Variants in FARP1 observed in about 807,000 individuals in gnomAD.
FARP1 encodes the protein FERM, ARH/RhoGEF and pleckstrin domain protein 1, also known as FERM, ARHGEF and pleckstrin domain-containing protein 1.
In FARP1, 52 loss-of-function variants were observed where a neutral mutation model predicts 128.8. The observed-to-expected ratio is 0.40, with a 90% CI of 0.32 to 0.51. The LOEUF (loss-of-function observed/expected upper bound fraction) is 0.51. Ranked by LOEUF, FARP1 falls within the 20% of genes least tolerant of loss-of-function variation. The pLI, the probability that FARP1 is intolerant of heterozygous loss-of-function variation, is 0.45. For synonymous variants in FARP1, 580 were observed against 551.8 expected, an observed-to-expected ratio of 1.05 and a Z score of -0.72; for missense variants, 1,333 against 1,367.9, an observed-to-expected ratio of 0.97 and a Z score of 0.40.
At chr13:98,338,764 C>G (rs1217303417) in intron 2 of FARP1, 1 of 152,168 alleles carries the variant, frequency 6.6e-6, no homozygotes, top group Non-Finnish European at 1.5e-5. Context: ...ATTTTGCATT[C>G]TGGGATGTGA....
At chr13:98,447,458 T>TGACA (rs1005836058) in intron 26 of FARP1, 1 of 152,490 alleles carries the variant, frequency 6.6e-6, no homozygotes, top group African/African-American at 2.4e-5. Flanking sequence ...GCTATTATTG[T>TGACA]GACAAAGGGT....
chr13:98,281,067 T>C (rs1222227238), intron 2 of FARP1, among the ~76,000 whole-genome samples: 1 of 152,218 alleles, frequency 6.6e-6, no homozygotes, highest in Non-Finnish European at 1.5e-5. Context: ...TTATAAAGTT[T>C]ATTTCAGGTT....
intron 1 of FARP1, among the ~76,000 whole-genome samples, chr13:98,154,999 C>G (rs1049058503): frequency 7.2e-5 from 11 of 152,168 alleles, no homozygotes; most frequent in African/African-American, 2.6e-4. Context: ...ATCGCTTGAG[C>G]CCAGGAGTTC....
intron 1 of FARP1, among the ~76,000 whole-genome samples, chr13:98,185,912 G>A (rs1043063465): frequency 9.2e-5 from 14 of 151,980 alleles, no homozygotes; most frequent in African/African-American, 3.4e-4. Flanking sequence ...TGACTAGGCT[G>A]GTCTCGAACT....
chr13:98,329,373 T>C (rs1231254608), intron 2 of FARP1: 1 of 152,226 alleles, frequency 6.6e-6, no homozygotes, highest in Non-Finnish European at 1.5e-5. Context: ...TAAAAAAATA[T>C]ATTCTTGGCC....
intron 8 of FARP1, 92 bp downstream of exon 8, chr13:98,385,906 C>CCT: frequency 7.5e-7 from 1 of 1,334,534 alleles, no homozygotes; most frequent in South Asian, 1.3e-5. Flanking sequence ...TGGGCTAAGA[C>CCT]CTCTGATGGT....
At chr13:98,172,616 G>T (rs1877732658) in intron 1 of FARP1, among the ~76,000 whole-genome samples, 1 of 152,164 alleles carries the variant, frequency 6.6e-6, no homozygotes, top group East Asian at 1.9e-4. Flanking sequence ...TTTAGACCTT[G>T]GGCAAGTGTT....
At chr13:98,428,250 C>T (rs1371541470) in intron 17 of FARP1, among the ~76,000 whole-genome samples, 3 of 152,204 alleles carry the variant, frequency 2.0e-5, no homozygotes, top group Non-Finnish European at 1.5e-5. Context: ...TTGCACACAT[C>T]CATCCAGACG....
chr13:98,446,771 T>A lies in FARP1; in HGVS notation c.3010T>A (p.Ser1004Thr). The change falls in exon 26 of 27, where the codon TCC (serine) becomes ACC (threonine). Residue 1004 changes from serine (S) to threonine (T), a missense_variant. Around this residue, in one of 2 missense-constraint regions of FARP1, gnomAD observed 1,009 missense variants for 969.8 expected, o/e 1.04. Transcript: ENST00000319562. ...CTACGTGTTCAAGCTGCACTTCAAG[T>A]CCCACGTCTACTACTTCAGGGCGGA... ...KDYVFKLHFK[S>T]HVYYFRAESE... is the part of the protein sequence containing the mutation. 1 of 1,614,076 alleles carries A rather than the reference T, an allele frequency of 6.2e-7. No individual in the cohort carries two copies. Among genetic ancestry groups the A allele is most frequent in the Non-Finnish European group, 8.5e-7 (1 of 1,180,010 alleles).
Position 98,385,687 on chromosome 13 carries a change from C to A in FARP1, c.632C>A (p.Ser211Ter). Reference protein sequence around the residue: ...HNHIGQTPAESDFQLLEIARR... With the variant: ...HNHIGQTPAE ...GTCAGTGGACAAACACCAGCAGAATCAGATTTCCAGCTCCTAGAGATTGCC... is the reference window on the plus strand; with the variant it reads ...GTCAGTGGACAAACACCAGCAGAATAAGATTTCCAGCTCCTAGAGATTGCC... Residue 211 changes from serine to a stop codon, truncating the protein, a stop_gained, in exon 8 of 27, where the codon TCA becomes TAA. Transcript: ENST00000319562. LOFTEE classifies it high-confidence loss of function. 6.2e-7 allele frequency: 1 copy of A among 1,614,204 alleles called. No individual in the cohort carries two copies. Among genetic ancestry groups the A allele is most frequent in the South Asian group, 1.1e-5 (1 of 91,084 alleles).
At chr13:98,213,455 G>T (rs1038390763) in intron 2 of FARP1, 42 bp downstream of exon 2, 5 of 1,595,666 alleles carry the variant, frequency 3.1e-6, no homozygotes, top group Admixed American at 3.4e-5. Context: ...TGTGGTAGGG[G>T]ACAGCCTTTG....
chr13:98,204,668 G>A (rs1880158500), intron 1 of FARP1, among the ~76,000 whole-genome samples: 1 of 152,182 alleles, frequency 6.6e-6, no homozygotes, highest in African/African-American at 2.4e-5. Context: ...TGTTTAAAAT[G>A]TTTGGCTATT....
At chr13:98,410,367 G>A (rs1450501708) in intron 14 of FARP1, among the ~76,000 whole-genome samples, 4 of 152,136 alleles carry the variant, frequency 2.6e-5, no homozygotes, top group Admixed American at 6.5e-5. Flanking sequence ...CTCCACCAAC[G>A]GACATAGGAC....
Position 98,395,368 on chromosome 13 carries a change from G to C in FARP1, c.1306G>C (p.Gly436Arg), listed in dbSNP as rs758227141. The change falls in exon 13 of 27, where the codon GGT (glycine) becomes CGT (arginine). Residue 436 changes from glycine to arginine, a missense_variant. Around this residue, in one of 2 missense-constraint regions of FARP1, gnomAD observed 1,009 missense variants for 969.8 expected, o/e 1.04. Coordinates refer to ENST00000319562, the MANE Select transcript of FARP1 (RefSeq NM_005766.4). Reference protein sequence around the residue: ...PSPAPRRSPAGNKQADGAASA... With the variant: ...PSPAPRRSPARNKQADGAASA... Reference sequence around the variant, plus strand: ...CCCTGCGCCGAGGAGAAGCCCCGCGGGTAACAAGCAGGCGGACGGAGCCGC... The same window carrying C: ...CCCTGCGCCGAGGAGAAGCCCCGCGCGTAACAAGCAGGCGGACGGAGCCGC... The C allele has an allele frequency of 2.1e-5, 34 of 1,611,848 alleles. No homozygotes were observed. The highest frequency in any genetic ancestry group is 2.9e-5 in the Non-Finnish European group (34 of 1,179,192).
At chr13:98,425,010 G>A (rs1028284949) in intron 17 of FARP1, among the ~76,000 whole-genome samples, 15 of 151,590 alleles carry the variant, frequency 9.9e-5, no homozygotes, top group Non-Finnish European at 1.3e-4. Context: ...TGGACACCCC[G>A]GTCTAATCTA....
chr13:98,384,058 G>A (rs2140034677), intron 6 of FARP1: 1 of 152,244 alleles, frequency 6.6e-6, no homozygotes, highest in Non-Finnish European at 1.5e-5. Context: ...AAGTTTTAGG[G>A]CTTTTTAGGA....
chr13:98,224,459 G>A (rs1472851831), intron 2 of FARP1, among the ~76,000 whole-genome samples: 5 of 148,880 alleles, frequency 3.4e-5, no homozygotes, highest in African/African-American at 7.5e-5. Context: ...CCCCAGAGGC[G>A]GAGCTTGCAG....
chr13:98,427,665 C>T (rs777363337), intron 17 of FARP1, among the ~76,000 whole-genome samples: 11 of 151,632 alleles, frequency 7.3e-5, no homozygotes, highest in Non-Finnish European at 1.2e-4. Context: ...CCCTCCCCTA[C>T]CCTAACCCAG....
intron 2 of FARP1, among the ~76,000 whole-genome samples, chr13:98,268,778 TTGTG>T (rs59132299): frequency 0.041 from 6,030 of 148,206 alleles, 156 homozygotes; most frequent in African/African-American, 0.08. Flanking sequence ...TTTCCCTTCT[TTGTG>T]TGTGTGTGTG....
Sources: allele counts gnomAD v4.1 joint callset (sites outside exome capture counted in the v4.1 genomes callset), GRCh38; gene constraint gnomAD v4.1.1; regional missense constraint gnomAD v4.1.1; transcripts MANE v1.5; gene names NCBI Gene and HGNC (gene_info 2026-07-23, HGNC 2026-07-21).